PTPRQ: variants seen among roughly 807,000 people sequenced by gnomAD.
PTPRQ encodes protein tyrosine phosphatase receptor type Q.
Under a neutral mutation model 246.0 loss-of-function variants are expected in PTPRQ, and 199 were observed. That is an observed-to-expected ratio of 0.81 (90% CI 0.72 to 0.91). PTPRQ has a LOEUF of 0.91. Ranked by LOEUF, PTPRQ falls within the 40% of genes least tolerant of loss-of-function variation. PTPRQ has a pLI of 0.00. For missense variants in PTPRQ, 2,624 were observed against 2,528.4 expected, an observed-to-expected ratio of 1.04 and a Z score of -0.81; for synonymous variants, 869 against 853.2, an observed-to-expected ratio of 1.02 and a Z score of -0.32.
intron 10 of PTPRQ, among the ~76,000 whole-genome samples, chr12:80,494,473 A>G (rs1894546386): frequency 6.6e-6 from 1 of 152,030 alleles, no homozygotes; most frequent in South Asian, 2.1e-4. Flanking sequence ...CTTTTACTAA[A>G]ACCTGGTATT....
rs117634268 is a variant in PTPRQ, at chr12:80,587,726, C to T, written c.4286-403C>T. Among the ~76,000 whole-genome samples, 889 of 152,074 alleles carry T rather than the reference C, an allele frequency of 5.8e-3. 26 individuals carry two copies. In the South Asian group the frequency reaches 0.066, roughly 11 times the overall value. On this transcript the variant is annotated intron_variant, in intron 25 of 44. Transcript: ENST00000644991. ...TAAGATGTGTTTGTGTTTATTTAGA[C>T]ATTTAAATACACAAGTATCTTCCCT... is the stretch of plus-strand genomic sequence containing the variant.
rs200589835 is a variant in PTPRQ at position 80,452,353 on chromosome 12, A to C, written c.391-5222A>C. Among the ~76,000 whole-genome samples, 440 of 152,130 alleles carry C rather than the reference A, an allele frequency of 2.9e-3. 9 individuals are homozygous for C. The East Asian group carries it at 0.064, about 22-fold the overall frequency. Reference sequence around the variant, plus strand: ...TCTGTGTCTTTTAATTGGAGCATTTAGTCCATTTACATTTAAAGTCAATAT... The same window carrying C: ...TCTGTGTCTTTTAATTGGAGCATTTCGTCCATTTACATTTAAAGTCAATAT... On this transcript the variant is annotated intron_variant, in intron 3 of 44. Coordinates refer to ENST00000644991, the MANE Select transcript of PTPRQ (RefSeq NM_001145026.2).
At chr12:80,449,791 G>T (rs1385100889) in intron 3 of PTPRQ, among the ~76,000 whole-genome samples, 6 of 152,184 alleles carry the variant, frequency 3.9e-5, no homozygotes, top group African/African-American at 1.2e-4. Flanking sequence ...TTATAGTATA[G>T]TTTAAAGTCA....
At chr12:80,613,307 G>A (rs1373424565) in intron 28 of PTPRQ, among the ~76,000 whole-genome samples, 6 of 150,594 alleles carry the variant, frequency 4.0e-5, no homozygotes, top group African/African-American at 4.9e-5. Flanking sequence ...GACAAAGGGA[G>A]ACCCTGTCTC....
chr12:80,530,831 A>G (rs1321428529), intron 17 of PTPRQ, among the ~76,000 whole-genome samples: 1 of 152,126 alleles, frequency 6.6e-6, no homozygotes, highest in East Asian at 1.9e-4. Context: ...TTGATACAGT[A>G]ATCATTTTGG....
intron 9 of PTPRQ, among the ~76,000 whole-genome samples, chr12:80,485,372 C>T (rs1242163243): frequency 1.3e-5 from 2 of 152,120 alleles, no homozygotes; most frequent in Non-Finnish European, 2.9e-5. Flanking sequence ...TCCTTAGGAC[C>T]AGTGCAGCAA....
At chr12:80,597,369 T>A (rs1299470086) in intron 26 of PTPRQ, among the ~76,000 whole-genome samples, 1 of 152,002 alleles carries the variant, frequency 6.6e-6, no homozygotes, top group Non-Finnish European at 1.5e-5. Context: ...TGGTGATATT[T>A]TATGCTCTAA....
In PTPRQ at chr12:80,510,318, T is replaced by C. The variant is rs1895086109; in HGVS notation, c.2558-5T>C. The C allele has an allele frequency of 1.9e-6, 3 of 1,540,218 alleles. No individual in the cohort carries two copies. The highest frequency in any genetic ancestry group is 1.4e-5 in the African/African-American group (1 of 72,516). Reference sequence around the variant, plus strand: ...AACACATTATTCTATACCCTAACTTTACAGCTCCTGATTCTCCCCCTCAAG... The same window carrying C: ...AACACATTATTCTATACCCTAACTTCACAGCTCCTGATTCTCCCCCTCAAG... On this transcript the variant is annotated splice_polypyrimidine_tract_variant and splice_region_variant and intron_variant, in intron 16 of 44. Transcript: ENST00000644991.
chr12:80,559,176 C>T (rs1237547498), intron 25 of PTPRQ, among the ~76,000 whole-genome samples: 1 of 152,168 alleles, frequency 6.6e-6, no homozygotes, highest in South Asian at 2.1e-4. Context: ...TCCCGAGTAG[C>T]TGGGACTACA....
intron 25 of PTPRQ, among the ~76,000 whole-genome samples, chr12:80,585,646 G>A (rs1370012885): frequency 1.3e-5 from 2 of 151,860 alleles, no homozygotes; most frequent in Non-Finnish European, 2.9e-5. Context: ...CAACTATACA[G>A]TTTCCTCTGC....
chr12:80,530,546 T>G lies in PTPRQ; in HGVS notation c.2679-3469T>G, dbSNP rs139844016. Among the ~76,000 whole-genome samples, 31 of 152,262 alleles carry G rather than the reference T, an allele frequency of 2.0e-4. No individual in the cohort carries two copies. In the East Asian group the frequency reaches 5.2e-3, roughly 26 times the overall value. ...TCTAAAGAGCTCAGACTAATAATGT[T>G]TTTCATTTAAAAGACTAAAATGAAA... On this transcript the variant is annotated intron_variant, in intron 17 of 44. Coordinates refer to ENST00000644991, the MANE Select transcript of PTPRQ (RefSeq NM_001145026.2).
At chr12:80,507,680 C>T (rs1239128597) in intron 16 of PTPRQ, among the ~76,000 whole-genome samples, 1 of 151,996 alleles carries the variant, frequency 6.6e-6, no homozygotes, top group Non-Finnish European at 1.5e-5. Context: ...TCTAAGTGGG[C>T]TGCCTCTGTG....
At chr12:80,656,968 AAAT>A (rs1007449508) in intron 38 of PTPRQ, among the ~76,000 whole-genome samples, 1 of 151,784 alleles carries the variant, frequency 6.6e-6, no homozygotes. Flanking sequence ...AGAATTTGTA[AAAT>A]AATAATAATT....
chr12:80,673,841 T>C (rs745656713), intron 43 of PTPRQ, among the ~76,000 whole-genome samples: 3 of 152,162 alleles, frequency 2.0e-5, no homozygotes, highest in Non-Finnish European at 4.4e-5. Flanking sequence ...TTACAAAATA[T>C]ATACAATTTT....
At chr12:80,526,304 G>A (rs1194410625) in intron 17 of PTPRQ, among the ~76,000 whole-genome samples, 1 of 152,182 alleles carries the variant, frequency 6.6e-6, no homozygotes, top group African/African-American at 2.4e-5. Context: ...AGGAAACTAA[G>A]TTGGAGAACT....
intron 35 of PTPRQ, among the ~76,000 whole-genome samples, chr12:80,639,925 T>A (rs963170794): frequency 1.3e-5 from 2 of 151,948 alleles, no homozygotes; most frequent in African/African-American, 4.8e-5. Flanking sequence ...GATTAAAAAA[T>A]GATGATAGGA....
intron 25 of PTPRQ, among the ~76,000 whole-genome samples, chr12:80,567,527 C>G (rs1241218479): frequency 6.6e-6 from 1 of 152,188 alleles, no homozygotes; most frequent in Non-Finnish European, 1.5e-5. Flanking sequence ...AACTGCTGCC[C>G]TGATTTCAAT....
intron 27 of PTPRQ, among the ~76,000 whole-genome samples, 162 bp downstream of exon 27, chr12:80,605,342 G>A (rs1898276942): frequency 6.6e-6 from 1 of 151,322 alleles, no homozygotes; most frequent in African/African-American, 2.4e-5. Context: ...ATTAATAATA[G>A]TAAACAGGGT....
intron 35 of PTPRQ, among the ~76,000 whole-genome samples, chr12:80,645,370 TCA>T (rs1449425885): frequency 2.0e-5 from 3 of 152,108 alleles, no homozygotes; most frequent in Admixed American, 6.5e-5. Context: ...TTGAGAATTC[TCA>T]GTTTCTTAAT....
Sources: allele counts gnomAD v4.1 joint callset (sites outside exome capture counted in the v4.1 genomes callset), GRCh38; gene constraint gnomAD v4.1.1; transcripts MANE v1.5; gene names NCBI Gene and HGNC (gene_info 2026-07-23, HGNC 2026-07-21).